The following ITGA5 variants were observed in gnomAD, a reference collection of about 807,000 sequenced individuals.
The protein encoded by ITGA5 is integrin subunit alpha 5.
Under a neutral mutation model 146.3 loss-of-function variants are expected in ITGA5, and 55 were observed. That is an observed-to-expected ratio of 0.38 (90% CI 0.30 to 0.47). The LOEUF is 0.47. ITGA5 is among the 20% of genes least tolerant of loss of function. The probability of loss-of-function intolerance (pLI) is 0.99; values close to 1 mark genes in which losing one functional copy is unlikely to be tolerated. For missense variants in ITGA5, 1,131 were observed against 1,329.0 expected, an observed-to-expected ratio of 0.85 and a Z score of 2.32; for synonymous variants, 500 against 531.8, an observed-to-expected ratio of 0.94 and a Z score of 0.82.
chr12:54,398,894 C>A, intron 27 of ITGA5, 196 bp from the exon 28 acceptor site: 1 of 473,134 alleles, frequency 2.1e-6, no homozygotes, highest in South Asian at 2.8e-5. Flanking sequence ...GGCTGGAGTG[C>A]AGTGGTGTGG....
chr12:54,408,845 C>G, intron 5 of ITGA5, 44 bp from the exon 6 acceptor site: 3 of 1,613,724 alleles, frequency 1.9e-6, no homozygotes, highest in Non-Finnish European at 2.5e-6. Flanking sequence ...TCCCAATCCC[C>G]CCATGTCCAC....
chr12:54,405,562 A>G lies in ITGA5; in HGVS notation c.1016+102T>C, dbSNP rs1340398642. 2.5e-6 allele frequency: 3 copies of G among 1,196,732 alleles called. No individual in the cohort carries two copies. The African/African-American group carries it at 4.5e-5, about 18-fold the overall frequency. The allele number at this position is 1,196,732 out of a possible 1,614,324, so 74.1% of individuals were successfully genotyped here. ...TGCAGGTATGAGCGAGAGTCTAGAG[A>G]AAAAGCCCTGGAGAAACTCTCCTTG... is the stretch of plus-strand genomic sequence containing the variant. On this transcript the variant is annotated intron_variant, in intron 11 of 29. Coordinates refer to ENST00000293379, the MANE Select transcript of ITGA5 (RefSeq NM_002205.5).
Position 54,400,958 on chromosome 12 carries a change from A to T in ITGA5, c.2531T>A (p.Val844Glu). 1 of 1,613,966 alleles carries T rather than the reference A, an allele frequency of 6.2e-7. No individual in the cohort carries two copies. The highest frequency in any genetic ancestry group is 8.5e-7 in the Non-Finnish European group (1 of 1,179,946). Residue 844 changes from valine (V) to glutamate (E), a missense_variant, in exon 25 of 30, where the codon GTG (valine) becomes GAG (glutamate). Around this residue, in one of 3 missense-constraint regions of ITGA5, gnomAD observed 889 missense variants for 1,021.5 expected, o/e 0.87. Coordinates refer to ENST00000293379, the MANE Select transcript of ITGA5 (RefSeq NM_002205.5). ...NQGPSSISQG[V>E]LELSCPQALE... The stretch of plus-strand genomic sequence containing the variant: ...AGCCTGGGGACAGCTGAGTTCCAGC[A>T]CACCCTGGCTAATGGAGCTGGGGCC...
chr12:54,405,226 A>G lies in ITGA5; in HGVS notation c.1165T>C (p.Phe389Leu). ...GTCAAGGAGCTGCCAAATCGGCCAA[A>G]CTCATCATGGCCAGTGAGGGTAAGG... ...PTLTLTGHDE[F>L]GRFGSSLTPL... is the part of the protein sequence containing the mutation. Residue 389 changes from phenylalanine (F) to leucine (L), a missense_variant, in exon 12 of 30, where the codon TTT becomes CTT. By Grantham distance (22) the Phe-to-Leu change is conservative. Around this residue, in one of 3 missense-constraint regions of ITGA5, gnomAD observed 889 missense variants for 1,021.5 expected, o/e 0.87. Transcript: ENST00000293379. 1 of 1,612,794 alleles carries G rather than the reference A, an allele frequency of 6.2e-7. No homozygotes were observed. The highest frequency in any genetic ancestry group is 8.5e-7 in the Non-Finnish European group (1 of 1,179,112).
rs756561516 is a variant in ITGA5 at position 54,419,168 on chromosome 12, G to T, written c.31C>A (p.His11Asn). The T allele has an allele frequency of 1.3e-6, 2 of 1,580,526 alleles. No homozygotes were observed. The highest frequency in any genetic ancestry group is 1.7e-6 in the Non-Finnish European group (2 of 1,164,398). ...GGGCCCCAGCGCAGCTGCACGGCGT[G>T]GAGAGGGGACTCTGGCGTCCGGCTC... MGSRTPESPL[H>N]AVQLRWGPRR... The change falls in exon 1 of 30, where the codon CAC (histidine) becomes AAC (asparagine). Residue 11 changes from histidine (H) to asparagine (N), a missense_variant. Physicochemically the swap from His to Asn is moderately conservative, Grantham distance 68. Around this residue, in one of 3 missense-constraint regions of ITGA5, gnomAD observed 175 missense variants for 179.3 expected, o/e 0.98. Coordinates refer to ENST00000293379, the MANE Select transcript of ITGA5 (RefSeq NM_002205.5).
chr12:54,400,870 G>T lies in ITGA5; in HGVS notation c.2619C>A (p.His873Gln), dbSNP rs149400640. Reference protein sequence around the residue: ...RVTGLNCTTNHPINPKGLELD... With the variant: ...RVTGLNCTTNQPINPKGLELD... Reference sequence around the variant, plus strand: ...CCTCCAGGCCCTTTGGGTTAATGGGGTGATTGGTGGTGCAGTTGAGTCCCG... The same window carrying T: ...CCTCCAGGCCCTTTGGGTTAATGGGTTGATTGGTGGTGCAGTTGAGTCCCG... The change falls in exon 25 of 30, where the codon CAC becomes CAA. Residue 873 changes from histidine (H) to glutamine (Q), a missense_variant. Physicochemically the swap from His to Gln is conservative, Grantham distance 24 (BLOSUM62 0). Coordinates refer to ENST00000293379, the MANE Select transcript of ITGA5 (RefSeq NM_002205.5). 2 of 1,613,978 alleles carry T rather than the reference G, an allele frequency of 1.2e-6. No homozygotes were observed. The highest frequency in any genetic ancestry group is 2.7e-5 in the African/African-American group (2 of 74,890).
intron 11 of ITGA5, 123 bp downstream of exon 11, chr12:54,405,541 G>A: frequency 1.9e-6 from 2 of 1,053,908 alleles, no homozygotes; most frequent in East Asian, 2.4e-5. Flanking sequence ...GGGGAATGCA[G>A]GTATGAGCGA....
chr12:54,403,870 C>T lies in ITGA5; in HGVS notation c.1621+41G>A. The T allele has an allele frequency of 3.1e-6, 5 of 1,612,962 alleles. No homozygotes were observed. The highest frequency in any genetic ancestry group is 4.2e-6 in the Non-Finnish European group (5 of 1,178,992). ...TCCCCAGGTCCCCAGTCCCTTCATT[C>T]TCTGTCCTAGGGCCTGAGAGATCCA... On this transcript the variant is annotated intron_variant, in intron 16 of 29. Transcript: ENST00000293379. The surrounding 1 kb of genome is among the most constrained non-coding windows in gnomAD (Gnocchi z 4.9).
In ITGA5 at chr12:54,400,948, G is replaced by A. The variant is rs755045442; in HGVS notation, c.2541C>T (p.Leu847=). The A allele has an allele frequency of 1.1e-5, 18 of 1,613,896 alleles. No individual in the cohort carries two copies. In the African/African-American group the frequency reaches 2.1e-4, roughly 19 times the overall value. ...PSSISQGVLE[L]SCPQALEGQQ... ...GACCTTCCAGAGCCTGGGGACAGCT[G>A]AGTTCCAGCACACCCTGGCTAATGG... The change falls in exon 25 of 30, where the codon CTC becomes CTT. Residue 847 remains leucine (L), a synonymous_variant. Transcript: ENST00000293379.
At chr12:54,408,455 C>T (rs987988686) in intron 6 of ITGA5, among the ~76,000 whole-genome samples, 6 of 151,972 alleles carry the variant, frequency 3.9e-5, no homozygotes, top group South Asian at 2.1e-4. Context: ...AGGCAGGGCG[C>T]GGCGGCTCAT....
chr12:54,405,575 G>T, intron 11 of ITGA5, 89 bp downstream of exon 11: 3 of 1,271,960 alleles, frequency 2.4e-6, no homozygotes, highest in South Asian at 1.3e-5. Flanking sequence ...AAGCCCTGGA[G>T]AAACTCTCCT....
intron 9 of ITGA5, 44 bp from the exon 10 acceptor site, chr12:54,405,970 A>C (rs530392441): frequency 6.5e-7 from 1 of 1,549,960 alleles, no homozygotes; most frequent in African/African-American, 1.4e-5. Flanking sequence ...GACTCCCAGA[A>C]TATCCCATGG....
intron 1 of ITGA5, among the ~76,000 whole-genome samples, chr12:54,414,133 CA>C (rs1955978103): frequency 6.6e-6 from 1 of 152,260 alleles, no homozygotes; most frequent in African/African-American, 2.4e-5. Flanking sequence ...TTCCTCCCGG[CA>C]CACTACCCAT....
In ITGA5 at chr12:54,400,851, G is replaced by C. The variant is rs1197531574; in HGVS notation, c.2638C>G (p.Leu880Val). The C allele has an allele frequency of 6.2e-7, 1 of 1,613,824 alleles. No individual in the cohort carries two copies. The highest frequency in any genetic ancestry group is 2.2e-5 in the East Asian group (1 of 44,884). Residue 880 changes from leucine to valine, a missense_variant, in exon 25 of 30, where the codon CTG becomes GTG. Around this residue, in one of 3 missense-constraint regions of ITGA5, gnomAD observed 889 missense variants for 1,021.5 expected, o/e 0.87. Coordinates refer to ENST00000293379, the MANE Select transcript of ITGA5 (RefSeq NM_002205.5). ...TTNHPINPKG[L>V]ELDPEGSLHH... ...GCCAGTGTTCAGGATCTCACCTCCA[G>C]GCCCTTTGGGTTAATGGGGTGATTG... is the stretch of plus-strand genomic sequence containing the variant.
At chr12:54,417,310 A>G (rs1956018537) in intron 1 of ITGA5, among the ~76,000 whole-genome samples, 1 of 151,922 alleles carries the variant, frequency 6.6e-6, no homozygotes, top group Non-Finnish European at 1.5e-5. Context: ...AATGCCAGAC[A>G]ACTAGATACT....
chr12:54,402,943 T>TGCACCTG, intron 19 of ITGA5, 40 bp downstream of exon 19: 2 of 1,569,516 alleles, frequency 1.3e-6, no homozygotes, highest in Non-Finnish European at 1.8e-6. Context: ...AGGTGCCAGG[T>TGCACCTG]GCACCTGGAG....
At position 54,401,313 on chromosome 12, in the gene ITGA5, C is replaced by A; in HGVS notation, c.2493+60G>T. On this transcript the variant is annotated intron_variant, in intron 24 of 29. Transcript: ENST00000293379. This position sits in a 1 kb window ranked among gnomAD's most constrained non-coding sequence, Gnocchi z 5.0. ...CCTCACATGGGTTCCAGCCATCTGT[C>A]ACTCATATTAGCTCCTCCTTTCCCA... 8.2e-7 allele frequency: 1 copy of A among 1,225,198 alleles called. No homozygotes were observed. Among genetic ancestry groups the A allele is most frequent in the South Asian group, 1.2e-5 (1 of 83,088 alleles). 75.9% of individuals were successfully genotyped at this position (1,225,198 alleles called of 1,614,324 possible). A position where few individuals can be genotyped will look rare whatever the true frequency, so the allele number is the denominator to read the frequency against.
chr12:54,404,881 C>A lies in ITGA5; in HGVS notation c.1239G>T (p.Gly413=), dbSNP rs1432318088. ...DQDGYNDVAI[G]APFGGETQQG... ...GCTGGGTCTCCCCACCAAAGGGAGC[C>A]CCGATGGCCACATCTGGAAGACACA... is the stretch of plus-strand genomic sequence containing the variant. Residue 413 remains glycine, a synonymous_variant, in exon 13 of 30, where the codon GGG becomes GGT. Transcript: ENST00000293379. 6.3e-7 allele frequency: 1 copy of A among 1,581,132 alleles called. No homozygotes were observed.
At chr12:54,408,259 T>G in intron 6 of ITGA5, 24 bp from the exon 7 acceptor site, 1 of 1,609,782 alleles carries the variant, frequency 6.2e-7, no homozygotes, top group Non-Finnish European at 8.5e-7. Context: ...GAAGAGGGAG[T>G]AGATGGAGAG....
Sources: allele counts gnomAD v4.1 joint callset (sites outside exome capture counted in the v4.1 genomes callset), GRCh38; gene constraint gnomAD v4.1.1; regional missense constraint gnomAD v4.1.1; non-coding constraint Gnocchi (gnomAD v3.1); transcripts MANE v1.5; gene names NCBI Gene and HGNC (gene_info 2026-07-23, HGNC 2026-07-21).